ACACA: variants seen among roughly 807,000 people sequenced by gnomAD.
ACACA encodes acetyl-CoA carboxylase 1.
A neutral mutation model predicts 296.1 loss-of-function variants in ACACA; 103 were observed. The ratio of observed to expected loss-of-function variants is 0.35; its 90% CI spans 0.30 to 0.41. The LOEUF is 0.41. Among genes scored for constraint, ACACA ranks in the 10% least tolerant of loss-of-function variants. ACACA has a pLI of 1.00. For missense variants in ACACA, 1,554 were observed against 2,989.7 expected, an observed-to-expected ratio of 0.52 and a Z score of 11.20; for synonymous variants, 953 against 1,038.6, an observed-to-expected ratio of 0.92 and a Z score of 1.58.
intron 3 of ACACA, among the ~76,000 whole-genome samples, chr17:37,294,984 T>C (rs2083260048): frequency 1.3e-5 from 2 of 152,230 alleles, no homozygotes; most frequent in African/African-American, 2.4e-5. Context: ...CACTTTCCCA[T>C]GCTTCCTGTT....
intron 3 of ACACA, among the ~76,000 whole-genome samples, chr17:37,311,439 C>CACAT (rs939681783): frequency 1.8e-4 from 28 of 152,112 alleles, no homozygotes; most frequent in African/African-American, 6.5e-4. Flanking sequence ...TACACACACA[C>CACAT]ACATACATAC....
At chr17:37,380,789 G>T (rs1264716650) in intron 1 of ACACA, among the ~76,000 whole-genome samples, 1 of 151,904 alleles carries the variant, frequency 6.6e-6, no homozygotes, top group Non-Finnish European at 1.5e-5. Flanking sequence ...GTAGAGACAG[G>T]ATTTCACCAT....
chr17:37,239,139 A>AT (rs34711647), intron 24 of ACACA, among the ~76,000 whole-genome samples: 2,440 of 150,218 alleles, frequency 0.016, 61 homozygotes, highest in South Asian at 0.11. Flanking sequence ...TGCTATTTTA[A>AT]TTTTTTTTTT....
chr17:37,275,921 T>C, intron 8 of ACACA, 30 bp downstream of exon 8: 1 of 1,581,344 alleles, frequency 6.3e-7, no homozygotes, highest in Non-Finnish European at 8.7e-7. Context: ...ATTCTGTACT[T>C]CAAGATACAA....
intron 3 of ACACA, chr17:37,289,602 C>T: frequency 1.2e-6 from 1 of 830,154 alleles, no homozygotes; most frequent in Non-Finnish European, 1.8e-6. Context: ...TTTCCATTAC[C>T]CCATATACAT....
intron 3 of ACACA, among the ~76,000 whole-genome samples, chr17:37,292,863 C>CA (rs199663318): frequency 2.0e-5 from 3 of 150,678 alleles, no homozygotes; most frequent in East Asian, 3.9e-4. Context: ...GACTTAGTCT[C>CA]AAAAAAAAAG....
At chr17:37,276,081 G>A in intron 7 of ACACA, 32 bp from the exon 8 acceptor site, 1 of 1,536,130 alleles carries the variant, frequency 6.5e-7, no homozygotes, top group Non-Finnish European at 9.0e-7. Flanking sequence ...AATCCTGACT[G>A]TAACACCTTG....
At chr17:37,316,302 T>TACATACACACACACACAC (rs1362904609) in intron 3 of ACACA, among the ~76,000 whole-genome samples, 2 of 142,596 alleles carry the variant, frequency 1.4e-5, no homozygotes, top group African/African-American at 2.6e-5. Flanking sequence ...TACCCTTACA[T>TACATACACACACACACAC]ACACACACAC....
chr17:37,344,743 G>A (rs1460655000), intron 1 of ACACA, among the ~76,000 whole-genome samples: 3 of 152,028 alleles, frequency 2.0e-5, no homozygotes, highest in Admixed American at 6.6e-5. Flanking sequence ...GTAAACTTAC[G>A]ATCAACACAA....
chr17:37,268,758 T>TAG lies in ACACA; in HGVS notation c.1119+1992_1119+1993insCT, dbSNP rs1555623180. ...CTATCTATCTATATATATATATATA[T>TAG]ATATATATATCTGGTTCAGCTTTTC... On this transcript the variant is annotated intron_variant, in intron 10 of 55. Transcript: ENST00000616317. Among the ~76,000 whole-genome samples, 1,431 of 146,110 alleles carry TAG rather than the reference T, an allele frequency of 9.8e-3. 16 individuals are homozygous for TAG. Among genetic ancestry groups the TAG allele is most frequent in the Non-Finnish European group, 0.015 (1,012 of 66,800 alleles).
intron 52 of ACACA, among the ~76,000 whole-genome samples, chr17:37,107,458 A>C (rs1004482969): frequency 5.9e-5 from 9 of 152,210 alleles, no homozygotes; most frequent in Admixed American, 5.9e-4. Context: ...AGATTTTTAC[A>C]GAGAAGCGTA....
At chr17:37,210,911 C>A (rs527459576) in intron 29 of ACACA, among the ~76,000 whole-genome samples, 2 of 152,188 alleles carry the variant, frequency 1.3e-5, no homozygotes, top group Non-Finnish European at 2.9e-5. Context: ...GTTCCTATTA[C>A]TGAAGGTGTA....
rs527463357 is a variant in ACACA at position 37,104,872 on chromosome 17, C to T, written c.6565+6659G>A. ...GGAGAATTGCTTGAGCCTGACAGGT[C>T]GAGGTGTGGTGAGCTGTGATCATGA... On this transcript the variant is annotated intron_variant, in intron 52 of 55. Coordinates refer to ENST00000616317, the MANE Select transcript of ACACA (RefSeq NM_198834.3). Among the ~76,000 whole-genome samples, 7 of 134,854 alleles carry T rather than the reference C, an allele frequency of 5.2e-5. No homozygotes were observed. In the East Asian group the frequency reaches 1.2e-3, roughly 22 times the overall value. The allele number at this position is 134,854 out of a possible 152,430, so 88.5% of individuals were successfully genotyped here.
chr17:37,253,123 G>T, intron 14 of ACACA, 87 bp from the exon 15 acceptor site: 2 of 1,577,714 alleles, frequency 1.3e-6, no homozygotes, highest in Non-Finnish European at 1.7e-6. Flanking sequence ...CAGGCATGGT[G>T]GCTCACGCCT....
chr17:37,165,888 G>T (rs1158932090), intron 41 of ACACA, among the ~76,000 whole-genome samples: 2 of 152,022 alleles, frequency 1.3e-5, no homozygotes, highest in African/African-American at 4.8e-5. Context: ...TGTTGCCCAG[G>T]CTGGTCTCAA....
rs1238783332 is a variant in ACACA, at chr17:37,221,772, G to C, written c.3635C>G (p.Thr1212Ser). 2 of 1,614,048 alleles carry C rather than the reference G, an allele frequency of 1.2e-6. No individual in the cohort carries two copies. Among genetic ancestry groups the C allele is most frequent in the African/African-American group, 2.7e-5 (2 of 74,906 alleles). Residue 1212 changes from threonine to serine, a missense_variant, in exon 29 of 56, where the codon ACC becomes AGC. Coordinates refer to ENST00000616317, the MANE Select transcript of ACACA (RefSeq NM_198834.3). ...CATGAACTGGAATTCCACCACACAG[G>C]TGTTGTCCTTAAGCTGGCGGTGTTG... The part of the protein sequence containing the change: ...SVQHRQLKDN[T>S]CVVEFQFMLP...
At chr17:37,357,531 C>A (rs2049199890) in intron 1 of ACACA, among the ~76,000 whole-genome samples, 1 of 152,106 alleles carries the variant, frequency 6.6e-6, no homozygotes, top group South Asian at 2.1e-4. Flanking sequence ...AATTCTACAA[C>A]ACTAGTAAAC....
intron 32 of ACACA, 55 bp downstream of exon 32, chr17:37,206,728 G>T (rs531153412): frequency 7.3e-7 from 1 of 1,364,312 alleles, no homozygotes; most frequent in Non-Finnish European, 1.0e-6. Flanking sequence ...ATAGTATACA[G>T]TAGAAGTCCC....
At chr17:37,088,393 C>T (rs781494095) in intron 55 of ACACA, among the ~76,000 whole-genome samples, 15 of 152,100 alleles carry the variant, frequency 9.9e-5, no homozygotes, top group Middle Eastern at 6.8e-3. Context: ...GATATAGCAA[C>T]GGGGAGAAAA....
Sources: allele counts gnomAD v4.1 joint callset (sites outside exome capture counted in the v4.1 genomes callset), GRCh38; gene constraint gnomAD v4.1.1; transcripts MANE v1.5; gene names NCBI Gene and HGNC (gene_info 2026-07-23, HGNC 2026-07-21).